ZRANB3: variants seen among roughly 807,000 people sequenced by gnomAD.
The protein encoded by ZRANB3 is DNA annealing helicase and endonuclease ZRANB3.
A neutral mutation model predicts 133.8 loss-of-function variants in ZRANB3; 125 were observed. The observed-to-expected ratio is 0.93, with a 90% CI of 0.81 to 1.08. The LOEUF (loss-of-function observed/expected upper bound fraction) is 1.08. ZRANB3 is among the 50% of genes least tolerant of loss of function. The probability of loss-of-function intolerance (pLI) is 0.00; values close to 1 mark genes in which losing one functional copy is unlikely to be tolerated. For missense variants in ZRANB3, 1,229 were observed against 1,275.5 expected, an observed-to-expected ratio of 0.96 and a Z score of 0.56; for synonymous variants, 387 against 432.7, an observed-to-expected ratio of 0.89 and a Z score of 1.31.
At chr2:135,304,454 T>G (rs1031960921) in intron 8 of ZRANB3, among the ~76,000 whole-genome samples, 2 of 152,214 alleles carry the variant, frequency 1.3e-5, no homozygotes, top group South Asian at 2.1e-4. Context: ...TGGATTCAAT[T>G]TGCTAATATT....
At position 135,478,215 on chromosome 2, in the gene ZRANB3, A is replaced by G. The variant is rs563011393; in HGVS notation, c.161+26114T>C. 2.2e-4 allele frequency among the ~76,000 whole-genome samples: 33 copies of G among 152,270 alleles called. No individual in the cohort carries two copies. The South Asian group carries it at 5.8e-3, about 27-fold the overall frequency. On this transcript the variant is annotated intron_variant, in intron 2 of 20. Transcript: ENST00000264159. Reference sequence around the variant, plus strand: ...CATATATACATTGTATGTATATATAATGAAAAGCAAAGTACATGTAATAGT... The same window carrying G: ...CATATATACATTGTATGTATATATAGTGAAAAGCAAAGTACATGTAATAGT...
At chr2:135,367,134 A>T (rs1360725473) in intron 3 of ZRANB3, among the ~76,000 whole-genome samples, 2 of 152,224 alleles carry the variant, frequency 1.3e-5, no homozygotes, top group East Asian at 3.8e-4. Context: ...ATATGTGCTA[A>T]TTACCTTGAT....
intron 2 of ZRANB3, among the ~76,000 whole-genome samples, chr2:135,457,440 A>G (rs983169674): frequency 2.0e-5 from 3 of 152,138 alleles, no homozygotes; most frequent in Admixed American, 1.3e-4. Flanking sequence ...GAGGATTTCA[A>G]TTAATCCACA....
Position 135,226,768 on chromosome 2 carries a change from T to C in ZRANB3, c.2158+1044A>G, listed in dbSNP as rs376719594. ...GTTCACTGAGCCATATGCTGTCCCA[T>C]TACCAGAGTTTCATCAGCACTTGAG... On this transcript the variant is annotated intron_variant, in intron 14 of 20. Coordinates refer to ENST00000264159, the MANE Select transcript of ZRANB3 (RefSeq NM_032143.4). Among the ~76,000 whole-genome samples, 54 of 152,246 alleles carry C rather than the reference T, an allele frequency of 3.5e-4. No homozygotes were observed. In the South Asian group the frequency reaches 0.011, roughly 30 times the overall value.
At chr2:135,499,647 T>G (rs1325855381) in intron 2 of ZRANB3, among the ~76,000 whole-genome samples, 1 of 152,126 alleles carries the variant, frequency 6.6e-6, no homozygotes, top group African/African-American at 2.4e-5. Context: ...AAAACCTCAA[T>G]GTACATCACT....
At chr2:135,331,430 T>C (rs889327108) in intron 6 of ZRANB3, among the ~76,000 whole-genome samples, 9 of 152,156 alleles carry the variant, frequency 5.9e-5, no homozygotes, top group Non-Finnish European at 1.3e-4. Flanking sequence ...TGAGAGACAG[T>C]TTGTTGTGAT....
intron 8 of ZRANB3, among the ~76,000 whole-genome samples, chr2:135,303,070 CA>C (rs1443868104): frequency 6.6e-6 from 1 of 151,994 alleles, no homozygotes; most frequent in East Asian, 1.9e-4. Flanking sequence ...ACTGATCTAA[CA>C]AAAAATTATG....
At chr2:135,484,376 A>G (rs972507710) in intron 2 of ZRANB3, among the ~76,000 whole-genome samples, 1 of 152,242 alleles carries the variant, frequency 6.6e-6, no homozygotes, top group Admixed American at 6.5e-5. Flanking sequence ...TCCTGAATGA[A>G]TAAGTACATG....
Position 135,278,356 on chromosome 2 carries a change from C to T in ZRANB3, c.967-2601G>A, listed in dbSNP as rs140770626. On this transcript the variant is annotated intron_variant, in intron 8 of 20. Transcript: ENST00000264159. The stretch of plus-strand genomic sequence containing the variant: ...TTTTTATATCCAGCTAATTAAAAAT[C>T]AGATAGAATAGTAATATTTTCAAAT... Among the ~76,000 whole-genome samples the T allele has an allele frequency of 3.0e-3, 452 of 152,200 alleles. 3 individuals carry two copies. Among genetic ancestry groups the T allele is most frequent in the African/African-American group, 0.01 (421 of 41,546 alleles).
intron 2 of ZRANB3, among the ~76,000 whole-genome samples, chr2:135,460,676 A>C (rs1690724546): frequency 6.6e-6 from 1 of 152,192 alleles, no homozygotes; most frequent in Admixed American, 6.5e-5. Context: ...AAACCAAAGT[A>C]AGTTTAGTTC....
intron 2 of ZRANB3, among the ~76,000 whole-genome samples, chr2:135,402,295 CT>C (rs374450905): frequency 0.21 from 28,426 of 133,508 alleles, 3,582 homozygotes; most frequent in African/African-American, 0.47. Context: ...TTCTTTCTCT[CT>C]TTTTTTTTTT....
At chr2:135,317,001 T>TATATATAC (rs1683296735) in intron 6 of ZRANB3, among the ~76,000 whole-genome samples, 1 of 148,794 alleles carries the variant, frequency 6.7e-6, no homozygotes, top group African/African-American at 2.5e-5. Context: ...TATATATATA[T>TATATATAC]ACTTGCATGT....
intron 1 of ZRANB3, among the ~76,000 whole-genome samples, chr2:135,526,313 G>A (rs1171922976): frequency 1.3e-5 from 2 of 151,898 alleles, no homozygotes; most frequent in African/African-American, 4.8e-5. Flanking sequence ...ACAGGTGCCC[G>A]CCACCACACT....
At chr2:135,299,789 C>G (rs1359340286) in intron 8 of ZRANB3, among the ~76,000 whole-genome samples, 2 of 152,054 alleles carry the variant, frequency 1.3e-5, no homozygotes, top group Admixed American at 6.6e-5. Flanking sequence ...TATGCCAATA[C>G]CATAATTCTG....
intron 13 of ZRANB3, 139 bp from the exon 14 acceptor site, chr2:135,228,154 T>A (rs1298683145): frequency 2.9e-5 from 21 of 714,624 alleles, no homozygotes; most frequent in Non-Finnish European, 4.7e-5. Flanking sequence ...AGGAGCATAC[T>A]ATATACCCAG....
At chr2:135,341,819 C>T (rs928229204) in intron 6 of ZRANB3, among the ~76,000 whole-genome samples, 6 of 150,108 alleles carry the variant, frequency 4.0e-5, no homozygotes, top group Non-Finnish European at 5.9e-5. Context: ...TGGTCTCCTG[C>T]AGCGCCCCCA....
chr2:135,219,199 C>T (rs1247965451), intron 15 of ZRANB3, 21 bp from the exon 16 acceptor site: 1 of 1,428,364 alleles, frequency 7.0e-7, no homozygotes, highest in East Asian at 2.6e-5. Context: ...ATTAGGAAGA[C>T]ACTAATAATC....
At chr2:135,212,698 G>C (rs1399541495) in intron 17 of ZRANB3, among the ~76,000 whole-genome samples, 1 of 152,190 alleles carries the variant, frequency 6.6e-6, no homozygotes, top group Non-Finnish European at 1.5e-5. Flanking sequence ...TTAGTAAATA[G>C]AGAAGGGAGA....
chr2:135,409,556 T>G (rs964081332), intron 2 of ZRANB3, among the ~76,000 whole-genome samples: 1 of 152,032 alleles, frequency 6.6e-6, no homozygotes, highest in Admixed American at 6.6e-5. Flanking sequence ...AAGCTGAAAG[T>G]GTTCCACCGA....
Sources: gnomAD v4.1 joint callset for allele counts (sites outside exome capture counted in the v4.1 genomes callset) on GRCh38, gnomAD v4.1.1 for gene constraint, MANE v1.5 for transcripts, NCBI Gene and HGNC (gene_info 2026-07-23, HGNC 2026-07-21) for gene names.